Variants in NR3C1 observed in about 807,000 individuals in gnomAD.
NR3C1 encodes the protein nuclear receptor subfamily 3 group C member 1.
A neutral mutation model predicts 74.0 loss-of-function variants in NR3C1; 14 were observed. That is an observed-to-expected ratio of 0.19 (90% CI 0.12 to 0.30). The LOEUF (loss-of-function observed/expected upper bound fraction) is 0.30. Among genes scored for constraint, NR3C1 ranks in the 10% least tolerant of loss-of-function variants. The pLI is 1.00. For missense variants in NR3C1, 695 were observed against 909.8 expected, an observed-to-expected ratio of 0.76 and a Z score of 3.04; for synonymous variants, 308 against 332.5, an observed-to-expected ratio of 0.93 and a Z score of 0.80.
At chr5:143,430,390 GTACTTTTT>G (rs1751754694) in intron 1 of NR3C1, among the ~76,000 whole-genome samples, 1 of 152,138 alleles carries the variant, frequency 6.6e-6, no homozygotes, top group Non-Finnish European at 1.5e-5. Context: ...ATATTTTTCT[GTACTTTTT>G]TACTTTCTCC....
upstream of NR3C1, chr5:143,403,993 C>A: frequency 1.0e-6 from 1 of 985,098 alleles, no homozygotes; most frequent in South Asian, 4.7e-5. Context: ...GACCTGGTCT[C>A]TCTGGGGCGG....
In NR3C1 at chr5:143,279,114, A is replaced by G; in HGVS notation, c.*2775T>C. The stretch of plus-strand genomic sequence containing the variant: ...GGGTTGGGATGGCCAGATAACACAT[A>G]CATAGGAAATAAATCTGCTTTCAAA... On this transcript the variant is annotated 3_prime_UTR_variant, in exon 9 of 9. Coordinates refer to ENST00000394464, the MANE Select transcript of NR3C1 (RefSeq NM_000176.3). 2.1e-6 allele frequency: 1 copy of G among 477,306 alleles called. No homozygotes were observed. Among genetic ancestry groups the G allele is most frequent in the South Asian group, 2.9e-5 (1 of 34,658 alleles). The allele number at this position is 477,306 out of a possible 1,614,324, so 29.6% of individuals were successfully genotyped here.
Position 143,399,683 on chromosome 5 carries a change from C to T in NR3C1, c.1157G>A (p.Arg386Gln), listed in dbSNP as rs1839883028. 6.2e-7 allele frequency: 1 copy of T among 1,613,964 alleles called. No homozygotes were observed. Among genetic ancestry groups the T allele is most frequent in the African/African-American group, 1.3e-5 (1 of 75,012 alleles). Reference protein sequence around the residue: ...TSLGTLNFPGRTVFSNGYSSP... With the variant: ...TSLGTLNFPGQTVFSNGYSSP... ...TGAATAGCCATTAGAAAAAACTGTT[C>T]GACCAGGGAAGTTCAGAGTCCCCAG... Residue 386 changes from arginine (R) to glutamine (Q), a missense_variant, in exon 2 of 9, where the codon CGA becomes CAA. Arg to Gln is a conservative substitution (Grantham distance 43). Coordinates refer to ENST00000394464, the MANE Select transcript of NR3C1 (RefSeq NM_000176.3).
chr5:143,312,812 G>A (rs1821251945), intron 3 of NR3C1, among the ~76,000 whole-genome samples: 1 of 152,134 alleles, frequency 6.6e-6, no homozygotes, highest in Non-Finnish European at 1.5e-5. Flanking sequence ...AGTAAAGTGA[G>A]GACACGAAGA....
chr5:143,344,015 AT>A (rs35299297), intron 2 of NR3C1, among the ~76,000 whole-genome samples: 7 of 151,388 alleles, frequency 4.6e-5, no homozygotes, highest in African/African-American at 1.7e-4. Flanking sequence ...ACTGTCAGCT[AT>A]TTTTTTTTCT....
At chr5:143,323,441 A>T (rs1221933160) in intron 2 of NR3C1, among the ~76,000 whole-genome samples, 1 of 152,082 alleles carries the variant, frequency 6.6e-6, no homozygotes, top group Non-Finnish European at 1.5e-5. Context: ...ATAGCACAGG[A>T]AAGACCAGCC....
chr5:143,302,218 T>C (rs1818644204), intron 4 of NR3C1, among the ~76,000 whole-genome samples: 1 of 152,104 alleles, frequency 6.6e-6, no homozygotes, highest in African/African-American at 2.4e-5. Flanking sequence ...ATATGTAAAA[T>C]GCTTAGAACA....
intron 2 of NR3C1, among the ~76,000 whole-genome samples, chr5:143,338,872 A>G (rs1455853853): frequency 1.3e-5 from 2 of 152,206 alleles, no homozygotes; most frequent in African/African-American, 4.8e-5. Context: ...AGCAACTTCC[A>G]ATCCTGGAAG....
At chr5:143,411,215 A>C (rs1841281543) in intron 1 of NR3C1, among the ~76,000 whole-genome samples, 1 of 152,178 alleles carries the variant, frequency 6.6e-6, no homozygotes, top group African/African-American at 2.4e-5. Flanking sequence ...ATACTATAGA[A>C]ATTGGGAAAC....
chr5:143,331,996 A>G (rs955403880), intron 2 of NR3C1, among the ~76,000 whole-genome samples: 2 of 152,226 alleles, frequency 1.3e-5, no homozygotes, highest in African/African-American at 2.4e-5. Flanking sequence ...AGGAACCAAT[A>G]AAACAATGAT....
intron 2 of NR3C1, among the ~76,000 whole-genome samples, chr5:143,381,432 GA>G (rs56670341): frequency 0.013 from 1,963 of 147,094 alleles, 37 homozygotes; most frequent in African/African-American, 0.044. Flanking sequence ...CACAGAAATA[GA>G]AAAAAAAAAT....
At chr5:143,381,792 A>C (rs1415507691) in intron 2 of NR3C1, among the ~76,000 whole-genome samples, 1 of 152,224 alleles carries the variant, frequency 6.6e-6, no homozygotes, top group Non-Finnish European at 1.5e-5. Context: ...AATGGACTAA[A>C]GCCCTAAATC....
Position 143,295,113 on chromosome 5 carries a change from T to C in NR3C1, c.2023+347A>G, listed in dbSNP as rs141547710. ...TAGGAAACTAAAATTTTTAACCAAA[T>C]AACAGTGTAGTGGACAAAATCACTG... On this transcript the variant is annotated intron_variant, in intron 7 of 8. Transcript: ENST00000394464. 4.0e-4 allele frequency: 394 copies of C among 985,354 alleles called. 8 individuals are homozygous for C. In the East Asian group the frequency reaches 0.026, roughly 64 times the overall value. 61.0% of individuals were successfully genotyped at this position (985,354 alleles called of 1,614,324 possible).
At chr5:143,295,167 C>A (rs1816894843) in intron 7 of NR3C1, 1 of 985,312 alleles carries the variant, frequency 1.0e-6, no homozygotes, top group South Asian at 4.7e-5. Context: ...CATGTCTTCC[C>A]ATGATCAAAG....
At chr5:143,365,120 A>C (rs1832961254) in intron 2 of NR3C1, among the ~76,000 whole-genome samples, 1 of 152,260 alleles carries the variant, frequency 6.6e-6, no homozygotes, top group Admixed American at 6.5e-5. Flanking sequence ...AAAATATGTA[A>C]TACAAAAGAA....
At chr5:143,405,454 T>C (rs1296689947), upstream of NR3C1, 2 of 688,606 alleles carry the variant, frequency 2.9e-6, no homozygotes, top group Non-Finnish European at 3.6e-6. Flanking sequence ...CGCCAGCCCG[T>C]CCCCGCGGCC....
At position 143,282,737 on chromosome 5, in the gene NR3C1, A is replaced by C. The variant is rs1169243460; in HGVS notation, c.2024-12T>G. The C allele has an allele frequency of 6.2e-7, 1 of 1,612,186 alleles. No homozygotes were observed. The highest frequency in any genetic ancestry group is 8.5e-7 in the Non-Finnish European group (1 of 1,179,260). On this transcript the variant is annotated splice_polypyrimidine_tract_variant and intron_variant, in intron 7 of 8. Transcript: ENST00000394464. ...ACCGTCCTTAGGAACTAAAAGGTTA[A>C]GATGAAGTCAGTTAAAGGATTTTCT... is the stretch of plus-strand genomic sequence containing the variant.
chr5:143,366,769 C>G (rs138429889), intron 2 of NR3C1, among the ~76,000 whole-genome samples: 216 of 152,176 alleles, frequency 1.4e-3, no homozygotes, highest in African/African-American at 4.9e-3. Flanking sequence ...AGAAAAAAAT[C>G]TGAATGGACT....
At chr5:143,371,715 A>G (rs1222859657) in intron 2 of NR3C1, among the ~76,000 whole-genome samples, 1 of 152,234 alleles carries the variant, frequency 6.6e-6, no homozygotes. Context: ...GGTAGATGAT[A>G]CCTTTCTTTC....
Sources: allele counts gnomAD v4.1 joint callset (sites outside exome capture counted in the v4.1 genomes callset), GRCh38; gene constraint gnomAD v4.1.1; transcripts MANE v1.5; gene names NCBI Gene and HGNC (gene_info 2026-07-23, HGNC 2026-07-21).